Variants in ST3GAL6 observed in about 807,000 individuals in gnomAD.
ST3GAL6 encodes type 2 lactosamine alpha-2,3-sialyltransferase.
A neutral mutation model predicts 40.5 loss-of-function variants in ST3GAL6; 31 were observed. That is an observed-to-expected ratio of 0.77 (90% CI 0.58 to 1.03). The LOEUF (loss-of-function observed/expected upper bound fraction) is 1.03. Among genes scored for constraint, ST3GAL6 ranks in the 50% least tolerant of loss-of-function variants. ST3GAL6 has a pLI of 0.00. For missense variants in ST3GAL6, 357 were observed against 393.2 expected (o/e 0.91, Z 0.78); for synonymous variants, 129 against 136.9 (o/e 0.94, Z 0.40).
intron 5 of ST3GAL6, among the ~76,000 whole-genome samples, chr3:98,777,637 T>C (rs1014438093): frequency 6.6e-6 from 1 of 152,246 alleles, no homozygotes; most frequent in African/African-American, 2.4e-5. Flanking sequence ...TTCTGCATCA[T>C]TTCCCTGGTC....
rs977184384 is a variant in ST3GAL6 at position 98,732,798 on chromosome 3, C to G, written c.-12+266C>G. On this transcript the variant is annotated intron_variant, in intron 1 of 9. Coordinates refer to the ST3GAL6 transcript ENST00000265261. ...CCAGATCCGCGGGGAAGGAATCGTGCCCGCGCCGCCCCTGGCCCGCGCCAC... is the reference window on the plus strand; with the variant it reads ...CCAGATCCGCGGGGAAGGAATCGTGGCCGCGCCGCCCCTGGCCCGCGCCAC... 89 of 1,425,826 alleles carry G rather than the reference C, an allele frequency of 6.2e-5. No homozygotes were observed. In the Middle Eastern group the frequency reaches 1.3e-3, roughly 20 times the overall value. 88.3% of individuals were successfully genotyped at this position (1,425,826 alleles called of 1,614,324 possible).
At chr3:98,734,987 G>A (rs557206315) in intron 1 of ST3GAL6, among the ~76,000 whole-genome samples, 2 of 152,118 alleles carry the variant, frequency 1.3e-5, no homozygotes, top group South Asian at 4.2e-4. Flanking sequence ...TGGAAATTGT[G>A]CTTCCATCCA....
chr3:98,748,716 T>C (rs962111653), intron 1 of ST3GAL6, among the ~76,000 whole-genome samples: 4 of 152,216 alleles, frequency 2.6e-5, no homozygotes, highest in Non-Finnish European at 4.4e-5. Flanking sequence ...TCTGCCCGCC[T>C]TGGCCTCCCA....
upstream of ST3GAL6, among the ~76,000 whole-genome samples, chr3:98,761,436 C>T (rs1403664090): frequency 6.6e-6 from 1 of 151,936 alleles, no homozygotes; most frequent in Non-Finnish European, 1.5e-5. Context: ...GGCAAAACCC[C>T]ATCTCTATTA....
At chr3:98,785,936 G>A (rs4425200) in intron 6 of ST3GAL6, among the ~76,000 whole-genome samples, 54,241 of 151,936 alleles carry the variant, frequency 0.36, 9,795 homozygotes, top group Non-Finnish European at 0.38. Flanking sequence ...ATTTGTTGCC[G>A]TATTAGATGT....
intron 1 of ST3GAL6, among the ~76,000 whole-genome samples, chr3:98,764,966 A>C (rs999216800): frequency 1.1e-4 from 16 of 152,346 alleles, no homozygotes; most frequent in Admixed American, 9.8e-4. Flanking sequence ...GTATTTCAGA[A>C]ATTCTTCCAT....
At chr3:98,738,390 C>G (rs1441929834) in intron 1 of ST3GAL6, among the ~76,000 whole-genome samples, 3 of 152,080 alleles carry the variant, frequency 2.0e-5, no homozygotes, top group African/African-American at 7.2e-5. Flanking sequence ...CTTACCATCT[C>G]AGCCTCCTAG....
In ST3GAL6 at chr3:98,769,806, T is replaced by C. The variant is rs540028043; in HGVS notation, c.90-1073T>C. Among the ~76,000 whole-genome samples, 18 of 134,724 alleles carry C rather than the reference T, an allele frequency of 1.3e-4. No homozygotes were observed. In the Middle Eastern group the frequency reaches 0.012, roughly 86 times the overall value. The allele number at this position is 134,724 out of a possible 152,430, so 88.4% of individuals were successfully genotyped here. A position where few individuals can be genotyped will look rare whatever the true frequency, so the allele number is the denominator to read the frequency against. ...TCACCCAAAGGTTGTCTTCACAATA[T>C]CCTAAAACTGTTTTCTATGTTTTAA... On this transcript the variant is annotated intron_variant, in intron 2 of 9. Coordinates refer to ENST00000483910, the MANE Select transcript of ST3GAL6 (RefSeq NM_001323368.2).
chr3:98,776,194 C>T (rs186802685), intron 5 of ST3GAL6, among the ~76,000 whole-genome samples: 250 of 152,276 alleles, frequency 1.6e-3, no homozygotes, highest in Non-Finnish European at 3.0e-3. Context: ...GTCATTCTAC[C>T]TTTATCATGT....
chr3:98,764,126 A>G (rs969727674), intron 1 of ST3GAL6, among the ~76,000 whole-genome samples: 1 of 152,116 alleles, frequency 6.6e-6, no homozygotes, highest in Non-Finnish European at 1.5e-5. Context: ...GGTGTTGCAT[A>G]TTGACTGAGA....
chr3:98,773,834 T>G, intron 4 of ST3GAL6, 86 bp from the exon 5 acceptor site: 1 of 1,046,216 alleles, frequency 9.6e-7, no homozygotes, highest in Non-Finnish European at 1.5e-6. Context: ...TGGAAATGGG[T>G]TTGTGTGGGA....
chr3:98,742,573 G>T (rs1400919380), intron 1 of ST3GAL6, among the ~76,000 whole-genome samples: 1 of 152,104 alleles, frequency 6.6e-6, no homozygotes, highest in Non-Finnish European at 1.5e-5. Context: ...CCTTATTGAG[G>T]GGTCCATGCT....
In ST3GAL6 at chr3:98,793,757, A is replaced by G. The variant is rs1268127536; in HGVS notation, c.992A>G (p.Asp331Gly). 2 of 1,591,634 alleles carry G rather than the reference A, an allele frequency of 1.3e-6. No individual in the cohort carries two copies. The highest frequency in any genetic ancestry group is 1.7e-6 in the Non-Finnish European group (2 of 1,167,184). ...AACCTCGTAATCAACTTGACTCAAG[A>G]TTGACTCTACAGACTCAGAAGATGA... ...EKNLVINLTQ[D>G] The change falls in exon 10 of 10, where the codon GAT (aspartate) becomes GGT (glycine). Residue 331 changes from aspartate to glycine, a missense_variant. Coordinates refer to ENST00000483910, the MANE Select transcript of ST3GAL6 (RefSeq NM_001323368.2).
At chr3:98,769,456 A>G (rs887231893) in intron 2 of ST3GAL6, among the ~76,000 whole-genome samples, 5 of 152,256 alleles carry the variant, frequency 3.3e-5, no homozygotes, top group African/African-American at 1.2e-4. Flanking sequence ...AAGGGGATCT[A>G]TCCCTACATC....
intron 1 of ST3GAL6, among the ~76,000 whole-genome samples, chr3:98,763,911 G>A (rs1938057853): frequency 6.6e-6 from 1 of 152,146 alleles, no homozygotes; most frequent in Non-Finnish European, 1.5e-5. Flanking sequence ...TGACCCAACT[G>A]TTAAGCTGCT....
intron 1 of ST3GAL6, among the ~76,000 whole-genome samples, chr3:98,763,746 A>T (rs1000890522): frequency 8.6e-5 from 13 of 151,972 alleles, no homozygotes; most frequent in Non-Finnish European, 1.9e-4. Context: ...AAAAAAAAAA[A>T]AAAAAATGGA....
intron 1 of ST3GAL6, among the ~76,000 whole-genome samples, chr3:98,765,904 TAG>T (rs1938273744): frequency 6.6e-6 from 1 of 152,214 alleles, no homozygotes; most frequent in South Asian, 2.1e-4. Flanking sequence ...ACAATATAAT[TAG>T]ATAATTGGTT....
rs948190296 is a variant in ST3GAL6, at chr3:98,732,652, G to T, written c.-12+120G>T. 75 of 503,386 alleles carry T rather than the reference G, an allele frequency of 1.5e-4. No homozygotes were observed. In the South Asian group the frequency reaches 2.1e-3, roughly 14 times the overall value. 31.2% of individuals were successfully genotyped at this position (503,386 alleles called of 1,614,324 possible). On this transcript the variant is annotated intron_variant, in intron 1 of 9. Coordinates refer to the ST3GAL6 transcript ENST00000265261. ...TGGGGGCGGCCACCGTGCAACTGGC[G>T]CCAGCCGCGGAGCAGGAGGAGCTTC...
intron 5 of ST3GAL6, among the ~76,000 whole-genome samples, chr3:98,784,060 G>A (rs896835577): frequency 6.6e-6 from 1 of 152,182 alleles, no homozygotes; most frequent in African/African-American, 2.4e-5. Context: ...AAGGTCTTGA[G>A]TTCATCTGGT....
Sources: allele counts gnomAD v4.1 joint callset (sites outside exome capture counted in the v4.1 genomes callset), GRCh38; gene constraint gnomAD v4.1.1; transcripts MANE v1.5; gene names NCBI Gene and HGNC (gene_info 2026-07-23, HGNC 2026-07-21).